Variants in PDE1A observed in about 807,000 individuals in gnomAD.
PDE1A encodes the protein dual specificity calcium/calmodulin-dependent 3',5'-cyclic nucleotide phosphodiesterase 1A.
In PDE1A, 35 loss-of-function variants were observed where a neutral mutation model predicts 61.7. The observed-to-expected ratio is 0.57, with a 90% CI of 0.43 to 0.75. The LOEUF (loss-of-function observed/expected upper bound fraction) is 0.75, where lower values mean the gene tolerates loss of function less well. Among genes scored for constraint, PDE1A ranks in the 30% least tolerant of loss-of-function variants. PDE1A has a pLI of 0.00. For missense variants in PDE1A, 597 were observed against 630.6 expected (o/e 0.95, Z 0.57); for synonymous variants, 232 against 213.2 (o/e 1.09, Z -0.77).
intron 2 of PDE1A, among the ~76,000 whole-genome samples, chr2:182,489,137 AG>A (rs1209800046): frequency 3.9e-5 from 6 of 152,216 alleles, no homozygotes; most frequent in African/African-American, 1.4e-4. Flanking sequence ...AGGAGGTGAG[AG>A]GGTGCACTAT....
intron 1 of PDE1A, among the ~76,000 whole-genome samples, chr2:182,284,585 G>T (rs1694034378): frequency 6.6e-6 from 1 of 151,960 alleles, no homozygotes; most frequent in Non-Finnish European, 1.5e-5. Flanking sequence ...AATTTATCTT[G>T]CTTAAAGGGG....
At chr2:182,689,988 A>T in the PDE1A span, among the ~76,000 whole-genome samples, 1 of 152,172 alleles carries the variant, frequency 6.6e-6, no homozygotes, top group Non-Finnish European at 1.5e-5. Flanking sequence ...AGGAAGAAGT[A>T]GAATCTCGTA....
chr2:182,566,886 T>C, the PDE1A span, among the ~76,000 whole-genome samples: 1 of 152,220 alleles, frequency 6.6e-6, no homozygotes, highest in African/African-American at 2.4e-5. Flanking sequence ...ATTTTTAAAC[T>C]TATTCCTGTG....
chr2:182,167,679 C>G (rs1385276089), downstream of PDE1A, among the ~76,000 whole-genome samples: 1 of 152,066 alleles, frequency 6.6e-6, no homozygotes, highest in African/African-American at 2.4e-5. Context: ...ACTGATATTG[C>G]CAGTAAAACT....
the PDE1A span, among the ~76,000 whole-genome samples, chr2:182,616,356 G>A: frequency 4.6e-5 from 7 of 152,234 alleles, no homozygotes; most frequent in African/African-American, 1.7e-4. Context: ...TGCCTCAGAA[G>A]GTGAGAGGCA....
the PDE1A span, among the ~76,000 whole-genome samples, chr2:182,571,775 C>T: frequency 1.3e-4 from 19 of 151,974 alleles, no homozygotes; most frequent in South Asian, 2.1e-4. Flanking sequence ...TTCAGGTCTC[C>T]GGTGTAGTAG....
intron 2 of PDE1A, among the ~76,000 whole-genome samples, chr2:182,482,990 G>A (rs897467092): frequency 2.0e-5 from 3 of 151,882 alleles, no homozygotes; most frequent in Non-Finnish European, 4.4e-5. Context: ...AAAATAAAAG[G>A]ATGGAAAAAG....
At chr2:182,256,838 G>A (rs1358001364) in intron 2 of PDE1A, among the ~76,000 whole-genome samples, 11 of 152,136 alleles carry the variant, frequency 7.2e-5, no homozygotes, top group Admixed American at 7.2e-4. Flanking sequence ...GATTCCTCAA[G>A]TATATGTCCA....
At chr2:182,615,468 A>G in the PDE1A span, among the ~76,000 whole-genome samples, 2 of 152,334 alleles carry the variant, frequency 1.3e-5, no homozygotes, top group South Asian at 4.2e-4. Flanking sequence ...GGAAAAACCC[A>G]GAAACAATAT....
At chr2:182,383,015 G>A (rs373275806) in intron 1 of PDE1A, among the ~76,000 whole-genome samples, 3 of 152,082 alleles carry the variant, frequency 2.0e-5, no homozygotes, top group Admixed American at 6.5e-5. Flanking sequence ...CCACCAATAC[G>A]TTAAAACCCC....
At chr2:182,551,848 C>G in the PDE1A span, among the ~76,000 whole-genome samples, 1 of 152,158 alleles carries the variant, frequency 6.6e-6, no homozygotes, top group Non-Finnish European at 1.5e-5. Flanking sequence ...AGATAGAAGG[C>G]TTAGGATTAG....
chr2:182,387,071 T>C (rs935705357), intron 1 of PDE1A, among the ~76,000 whole-genome samples: 13 of 152,234 alleles, frequency 8.5e-5, no homozygotes, highest in African/African-American at 3.1e-4. Flanking sequence ...TGTTCTGTAC[T>C]AAGAAAAATT....
chr2:182,167,470 A>G (rs1011883176), downstream of PDE1A, among the ~76,000 whole-genome samples: 5 of 152,142 alleles, frequency 3.3e-5, no homozygotes, highest in African/African-American at 1.2e-4. Flanking sequence ...TGGGATGTAC[A>G]TTACATATAT....
chr2:182,325,256 A>G (rs1016254846), intron 1 of PDE1A, among the ~76,000 whole-genome samples: 1 of 152,222 alleles, frequency 6.6e-6, no homozygotes, highest in Non-Finnish European at 1.5e-5. Flanking sequence ...TTGTCAACCT[A>G]TAACACTAAA....
chr2:182,453,287 CA>C (rs1321107570), intron 2 of PDE1A, among the ~76,000 whole-genome samples: 3 of 151,936 alleles, frequency 2.0e-5, no homozygotes, highest in South Asian at 2.1e-4. Context: ...TGAAAGAGCT[CA>C]AAAAGCTTTT....
the PDE1A span, among the ~76,000 whole-genome samples, chr2:182,622,073 A>C: frequency 6.6e-6 from 1 of 152,186 alleles, no homozygotes; most frequent in Non-Finnish European, 1.5e-5. Context: ...CTTAGAGAGG[A>C]ATTGAGGGTT....
intron 1 of PDE1A, among the ~76,000 whole-genome samples, chr2:182,404,337 T>C (rs771617636): frequency 2.6e-5 from 4 of 152,198 alleles, no homozygotes; most frequent in Non-Finnish European, 4.4e-5. Context: ...CTCAAAATGA[T>C]ATCCCAGGAC....
the PDE1A span, among the ~76,000 whole-genome samples, chr2:182,637,193 A>T: frequency 6.6e-6 from 1 of 152,222 alleles, no homozygotes; most frequent in African/African-American, 2.4e-5. Context: ...AGAATTTAAA[A>T]GAGGTCATTA....
chr2:182,167,847 C>A, downstream of PDE1A: 1 of 932,088 alleles, frequency 1.1e-6, no homozygotes, highest in South Asian at 5.0e-5. Context: ...TTTTAATTTG[C>A]ACTACATTTT....
Sources: gnomAD v4.1 joint callset for allele counts (sites outside exome capture counted in the v4.1 genomes callset) on GRCh38, gnomAD v4.1.1 for gene constraint, MANE v1.5 for transcripts, NCBI Gene and HGNC (gene_info 2026-07-23, HGNC 2026-07-21) for gene names.